Variants in CHRM3 observed in about 807,000 individuals in gnomAD.
The protein encoded by CHRM3 is cholinergic receptor muscarinic 3, also known as muscarinic acetylcholine receptor M3.
CHRM3 carries 11 observed loss-of-function variants against 41.8 expected under a neutral mutation model. The ratio of observed to expected loss-of-function variants is 0.26; its 90% CI spans 0.17 to 0.44. The LOEUF is 0.44. Ranked by LOEUF, CHRM3 falls within the 20% of genes least tolerant of loss-of-function variation. The pLI is 1.00. For synonymous variants in CHRM3, 297 were observed against 301.4 expected (o/e 0.99, Z 0.15); for missense variants, 571 against 745.4 (o/e 0.77, Z 2.72).
chr1:239,439,012 G>T (rs1241112741), intron 1 of CHRM3, among the ~76,000 whole-genome samples: 1 of 152,184 alleles, frequency 6.6e-6, no homozygotes, highest in Non-Finnish European at 1.5e-5. Context: ...CTGAGCAGTT[G>T]TGTAAGTTGG....
intron 3 of CHRM3, among the ~76,000 whole-genome samples, chr1:239,600,556 A>C (rs972162406): frequency 6.6e-6 from 1 of 152,144 alleles, no homozygotes; most frequent in South Asian, 2.1e-4. Flanking sequence ...TTTAACTTAA[A>C]GAAAAGAAGG....
chr1:239,579,601 C>T (rs1327879467), intron 3 of CHRM3, among the ~76,000 whole-genome samples: 1 of 152,120 alleles, frequency 6.6e-6, no homozygotes, highest in Non-Finnish European at 1.5e-5. Flanking sequence ...ATAATTAGGG[C>T]TTAGGGTTCA....
chr1:239,817,617 C>G (rs1671696114), intron 5 of CHRM3, among the ~76,000 whole-genome samples: 1 of 151,942 alleles, frequency 6.6e-6, no homozygotes, highest in South Asian at 2.1e-4. Context: ...CTGTTCTCAT[C>G]TAGTTTGTCC....
At chr1:239,685,257 C>T (rs1659020869) in intron 5 of CHRM3, among the ~76,000 whole-genome samples, 1 of 152,182 alleles carries the variant, frequency 6.6e-6, no homozygotes, top group Non-Finnish European at 1.5e-5. Context: ...GCTTCAGTTT[C>T]TTCATCTGTA....
chr1:239,458,155 G>A (rs934666819), intron 1 of CHRM3, among the ~76,000 whole-genome samples: 1 of 152,148 alleles, frequency 6.6e-6, no homozygotes, highest in African/African-American at 2.4e-5. Context: ...CATAAGAAAA[G>A]AGTAGAATGT....
At chr1:239,629,440 A>T (rs1669537105) in intron 3 of CHRM3, 1 of 151,522 alleles carries the variant, frequency 6.6e-6, no homozygotes, top group Non-Finnish European at 1.5e-5. Context: ...CCTCAGATGG[A>T]AATGCAGAAA....
At chr1:239,483,656 T>A (rs1261968314) in intron 1 of CHRM3, among the ~76,000 whole-genome samples, 1 of 152,168 alleles carries the variant, frequency 6.6e-6, no homozygotes, top group Admixed American at 6.5e-5. Context: ...GCCACCTACG[T>A]AGCTAGAGAT....
At chr1:239,808,623 T>C (rs953602962) in intron 5 of CHRM3, among the ~76,000 whole-genome samples, 2 of 152,228 alleles carry the variant, frequency 1.3e-5, no homozygotes, top group Admixed American at 1.3e-4. Context: ...TTCTTCGTGA[T>C]AAGCCCTACC....
chr1:239,907,227 A>G lies in CHRM3; in HGVS notation c.-19-206A>G, dbSNP rs181198095. Among the ~76,000 whole-genome samples the G allele has an allele frequency of 9.8e-5, 15 of 152,334 alleles. No homozygotes were observed. In the East Asian group the frequency reaches 2.5e-3, roughly 25 times the overall value. On this transcript the variant is annotated intron_variant, in intron 6 of 6. Transcript: ENST00000676153. The surrounding 1 kb of genome is among the most constrained non-coding windows in gnomAD (Gnocchi z 5.4). ...GCACAATGTTCAGTGCATGCCACCA[A>G]TTATATAATACTATCTCAAACAAAT...
chr1:239,619,059 C>T (rs904860977), intron 3 of CHRM3, among the ~76,000 whole-genome samples: 1 of 151,030 alleles, frequency 6.6e-6, no homozygotes, highest in African/African-American at 2.4e-5. Context: ...GAATTACAGG[C>T]GCCTGCCACC....
chr1:239,775,329 C>T (rs950559059), intron 5 of CHRM3, among the ~76,000 whole-genome samples: 2 of 152,090 alleles, frequency 1.3e-5, no homozygotes, highest in South Asian at 4.1e-4. Context: ...ATACATTTAG[C>T]TTTTTAAGAG....
At chr1:239,673,016 T>C (rs760598241) in intron 4 of CHRM3, among the ~76,000 whole-genome samples, 136 of 152,228 alleles carry the variant, frequency 8.9e-4, no homozygotes, top group Non-Finnish European at 1.5e-3. Flanking sequence ...CATCTTCTGG[T>C]TTACCATTCT....
At chr1:239,666,984 A>G (rs1034785993) in intron 4 of CHRM3, among the ~76,000 whole-genome samples, 4 of 152,310 alleles carry the variant, frequency 2.6e-5, no homozygotes, top group Admixed American at 2.6e-4. Flanking sequence ...TCCATGTTGC[A>G]GCAAACGACA....
Position 239,527,123 on chromosome 1 carries a change from A to G in CHRM3, c.-421-18518A>G, listed in dbSNP as rs577465266. On this transcript the variant is annotated intron_variant, in intron 2 of 6. Transcript: ENST00000676153. ...CTGTGCGACAGCCCTGTCTCAAAAA[A>G]CAAAACAAAAACAACAAAAACAAGA... 1.9e-3 allele frequency among the ~76,000 whole-genome samples: 286 copies of G among 152,278 alleles called. 1 individual carries two copies. The highest frequency in any genetic ancestry group is 3.2e-3 in the Non-Finnish European group (219 of 68,030).
At chr1:239,805,498 A>G (rs1670563428) in intron 5 of CHRM3, among the ~76,000 whole-genome samples, 1 of 152,154 alleles carries the variant, frequency 6.6e-6, no homozygotes, top group Non-Finnish European at 1.5e-5. Context: ...GAAGAGGGGA[A>G]GAGGGGACAA....
At chr1:239,728,078 A>G (rs1663614637) in intron 5 of CHRM3, among the ~76,000 whole-genome samples, 1 of 151,970 alleles carries the variant, frequency 6.6e-6, no homozygotes, top group African/African-American at 2.4e-5. Context: ...TTGTTGTTAA[A>G]GGTTTGCTAG....
intron 1 of CHRM3, among the ~76,000 whole-genome samples, chr1:239,418,214 T>A (rs529453728): frequency 6.6e-6 from 1 of 152,340 alleles, no homozygotes; most frequent in Non-Finnish European, 1.5e-5. Flanking sequence ...ACTGAGCCTG[T>A]CTTAAAAATA....
intron 3 of CHRM3, among the ~76,000 whole-genome samples, chr1:239,552,494 TAA>T (rs1410813791): frequency 1.4e-5 from 2 of 146,030 alleles, no homozygotes; most frequent in Non-Finnish European, 3.0e-5. Flanking sequence ...ATACTTTACA[TAA>T]AATATATATT....
At chr1:239,813,880 G>A (rs1197155275) in intron 5 of CHRM3, among the ~76,000 whole-genome samples, 3 of 131,410 alleles carry the variant, frequency 2.3e-5, no homozygotes, top group South Asian at 2.4e-4. Flanking sequence ...TCCCGCCACT[G>A]CACTCCAGCC....
Sources: gnomAD v4.1 joint callset for allele counts (sites outside exome capture counted in the v4.1 genomes callset) on GRCh38, gnomAD v4.1.1 for gene constraint, Gnocchi (gnomAD v3.1) non-coding constraint, MANE v1.5 for transcripts, NCBI Gene and HGNC (gene_info 2026-07-23, HGNC 2026-07-21) for gene names.